Variants in CNTNAP5 observed in about 807,000 individuals in gnomAD.
The protein encoded by CNTNAP5 is contactin associated protein family member 5.
A neutral mutation model predicts 150.2 loss-of-function variants in CNTNAP5; 72 were observed. The ratio of observed to expected loss-of-function variants is 0.48; its 90% CI spans 0.40 to 0.58. The LOEUF (loss-of-function observed/expected upper bound fraction) is 0.58, where lower values mean the gene tolerates loss of function less well. Ranked by LOEUF, CNTNAP5 falls within the 20% of genes least tolerant of loss-of-function variation. CNTNAP5 has a pLI of 0.00. For synonymous variants in CNTNAP5, 672 were observed against 619.8 expected (o/e 1.08, Z -1.25); for missense variants, 1,636 against 1,626.2 (o/e 1.01, Z -0.10).
chr2:124,318,243 C>T (rs1401574744), intron 3 of CNTNAP5, among the ~76,000 whole-genome samples: 4 of 152,254 alleles, frequency 2.6e-5, no homozygotes, highest in African/African-American at 9.6e-5. Flanking sequence ...TCACGCAGGC[C>T]TCTTTTGCTA....
chr2:124,401,584 G>A (rs1481632714), intron 3 of CNTNAP5, among the ~76,000 whole-genome samples: 2 of 152,162 alleles, frequency 1.3e-5, no homozygotes, highest in Non-Finnish European at 2.9e-5. Context: ...AGGCCCAATG[G>A]TGATTTAGGT....
intron 3 of CNTNAP5, among the ~76,000 whole-genome samples, chr2:124,346,947 G>T (rs1384069080): frequency 5.4e-5 from 8 of 148,652 alleles, no homozygotes; most frequent in African/African-American, 2.0e-4. Flanking sequence ...GCTGGGCATG[G>T]TCATGGTGGT....
At chr2:124,798,376 G>A (rs141420556) in intron 19 of CNTNAP5, 56 bp downstream of exon 19, 3 of 1,251,430 alleles carry the variant, frequency 2.4e-6, no homozygotes, top group Non-Finnish European at 3.5e-6. Context: ...GAGGGACGGT[G>A]CATGCCCTCC....
At chr2:124,293,885 G>A (rs116110263) in intron 3 of CNTNAP5, among the ~76,000 whole-genome samples, 11,574 of 152,214 alleles carry the variant, frequency 0.076, 597 homozygotes, top group Non-Finnish European at 0.12. Context: ...GAAGCAGTGA[G>A]AGTGGAGCTG....
At chr2:124,877,688 G>A (rs1481206938) in intron 21 of CNTNAP5, among the ~76,000 whole-genome samples, 4 of 152,060 alleles carry the variant, frequency 2.6e-5, no homozygotes, top group African/African-American at 9.7e-5. Flanking sequence ...TTATTTGGGT[G>A]GGATCTGTTG....
At chr2:124,755,581 C>G (rs143998210) in intron 14 of CNTNAP5, among the ~76,000 whole-genome samples, 1 of 152,158 alleles carries the variant, frequency 6.6e-6, no homozygotes, top group African/African-American at 2.4e-5. Flanking sequence ...CTTTCATTCT[C>G]TCTGTCTTTG....
Position 124,563,508 on chromosome 2 carries a change from A to G in CNTNAP5, c.1756+185A>G, listed in dbSNP as rs1367556344. 2.6e-5 allele frequency among the ~76,000 whole-genome samples: 4 copies of G among 152,248 alleles called. No individual in the cohort carries two copies. In the East Asian group the frequency reaches 7.7e-4, roughly 29 times the overall value. On this transcript the variant is annotated intron_variant, in intron 11 of 23. Coordinates refer to ENST00000682447, the MANE Select transcript of CNTNAP5 (RefSeq NM_001367498.1). ...CAGAGGATGCATGGATACAAGCCAT[A>G]TTCTTGTGGAGTTTATGGTCTACCA...
intron 3 of CNTNAP5, among the ~76,000 whole-genome samples, chr2:124,350,531 T>C (rs894642525): frequency 6.6e-6 from 1 of 151,902 alleles, no homozygotes; most frequent in Non-Finnish European, 1.5e-5. Flanking sequence ...TTTACACTTC[T>C]TCAATAAATT....
At chr2:124,875,182 A>G (rs1677828439) in intron 21 of CNTNAP5, among the ~76,000 whole-genome samples, 1 of 152,064 alleles carries the variant, frequency 6.6e-6, no homozygotes, top group Non-Finnish European at 1.5e-5. Flanking sequence ...TCATTGAATG[A>G]AAACCCTGAA....
At chr2:124,241,820 T>A (rs1686894448) in intron 2 of CNTNAP5, among the ~76,000 whole-genome samples, 1 of 151,688 alleles carries the variant, frequency 6.6e-6, no homozygotes, top group South Asian at 2.1e-4. Context: ...GATATATTAG[T>A]CAGAGAGAGA....
chr2:124,605,566 C>G (rs909919641), intron 11 of CNTNAP5, among the ~76,000 whole-genome samples: 1 of 151,980 alleles, frequency 6.6e-6, no homozygotes, highest in Admixed American at 6.6e-5. Flanking sequence ...CCTGTAATCC[C>G]TGCACTTTGG....
chr2:124,717,054 C>G (rs1679959752), intron 13 of CNTNAP5, among the ~76,000 whole-genome samples: 1 of 152,170 alleles, frequency 6.6e-6, no homozygotes, highest in Admixed American at 6.5e-5. Context: ...ACTTTATTTT[C>G]ATTTGGCCAT....
chr2:124,408,354 G>A (rs56376945), intron 3 of CNTNAP5, among the ~76,000 whole-genome samples: 125 of 152,284 alleles, frequency 8.2e-4, no homozygotes, highest in African/African-American at 1.5e-3. Context: ...CAAAGCAGCC[G>A]GGAAGCTCGG....
chr2:124,316,292 C>T (rs541206001), intron 3 of CNTNAP5, among the ~76,000 whole-genome samples: 4 of 152,152 alleles, frequency 2.6e-5, no homozygotes, highest in East Asian at 3.9e-4. Context: ...AGCCTGGGGT[C>T]GGAGGACCTG....
At chr2:124,643,245 A>G (rs1157387901) in intron 12 of CNTNAP5, among the ~76,000 whole-genome samples, 1 of 152,212 alleles carries the variant, frequency 6.6e-6, no homozygotes, top group African/African-American at 2.4e-5. Flanking sequence ...GTTAGTCAAT[A>G]CATGTATGCC....
chr2:124,045,858 G>A (rs1048441125), intron 1 of CNTNAP5, among the ~76,000 whole-genome samples: 1 of 152,094 alleles, frequency 6.6e-6, no homozygotes, highest in Non-Finnish European at 1.5e-5. Context: ...CTTGCTATGG[G>A]TGCCACATTA....
intron 6 of CNTNAP5, among the ~76,000 whole-genome samples, chr2:124,456,157 C>A (rs1385797550): frequency 1.3e-5 from 2 of 152,092 alleles, no homozygotes; most frequent in Non-Finnish European, 2.9e-5. Flanking sequence ...GATTGGTTAC[C>A]TAGACAACCC....
chr2:124,208,649 C>T (rs1685925460), intron 1 of CNTNAP5, among the ~76,000 whole-genome samples: 1 of 152,142 alleles, frequency 6.6e-6, no homozygotes, highest in South Asian at 2.1e-4. Flanking sequence ...ACAAACCATG[C>T]CAGTTTATTG....
At chr2:124,572,432 C>A (rs1394968039) in intron 11 of CNTNAP5, among the ~76,000 whole-genome samples, 4 of 152,094 alleles carry the variant, frequency 2.6e-5, no homozygotes, top group Non-Finnish European at 5.9e-5. Flanking sequence ...ACCTATGGAA[C>A]AAACCTGCAT....
Sources: allele counts gnomAD v4.1 joint callset (sites outside exome capture counted in the v4.1 genomes callset), GRCh38; gene constraint gnomAD v4.1.1; transcripts MANE v1.5; gene names NCBI Gene and HGNC (gene_info 2026-07-23, HGNC 2026-07-21).